GPC5: variants seen among roughly 807,000 people sequenced by gnomAD.
GPC5 encodes the protein glypican 5.
In GPC5, 47 loss-of-function variants were observed where a neutral mutation model predicts 53.9. The ratio of observed to expected loss-of-function variants is 0.87; its 90% CI spans 0.69 to 1.11. GPC5 has a LOEUF of 1.11. Ranked by LOEUF, GPC5 falls within the 50% of genes most tolerant of loss-of-function variation. The probability of loss-of-function intolerance (pLI) is 0.00; values close to 1 mark genes in which losing one functional copy is unlikely to be tolerated. For synonymous variants in GPC5, 286 were observed against 263.3 expected (o/e 1.09, Z -0.84); for missense variants, 748 against 713.1 (o/e 1.05, Z -0.56).
At chr13:91,986,723 A>G (rs1261751847) in intron 6 of GPC5, among the ~76,000 whole-genome samples, 3 of 152,338 alleles carry the variant, frequency 2.0e-5, no homozygotes, top group African/African-American at 4.8e-5. Context: ...CAGATCTTAA[A>G]TATATATTCT....
chr13:92,273,578 C>G (rs926522764), intron 7 of GPC5, among the ~76,000 whole-genome samples: 1 of 151,936 alleles, frequency 6.6e-6, no homozygotes, highest in Non-Finnish European at 1.5e-5. Flanking sequence ...ATGTGATACT[C>G]TTACCAAAAC....
chr13:92,077,262 T>C (rs2041259300), intron 6 of GPC5, among the ~76,000 whole-genome samples: 1 of 152,226 alleles, frequency 6.6e-6, no homozygotes, highest in Non-Finnish European at 1.5e-5. Context: ...GTCACTCATA[T>C]ATGGCTCAGA....
chr13:91,827,286 C>A (rs1221938633), intron 5 of GPC5, among the ~76,000 whole-genome samples: 2 of 151,806 alleles, frequency 1.3e-5, no homozygotes, highest in Non-Finnish European at 2.9e-5. Flanking sequence ...ATCTTCTTGA[C>A]TTATAGCACA....
In GPC5 at chr13:91,693,143, T is replaced by A. The variant is rs770577641; in HGVS notation, c.326-44T>A. ...CTGGAGCAGATGGACGGTGTTAGCA[T>A]GAATACTAAACCTTCTCATGTTTTA... On this transcript the variant is annotated intron_variant, in intron 2 of 7. Coordinates refer to ENST00000377067, the MANE Select transcript of GPC5 (RefSeq NM_004466.6). The A allele has an allele frequency of 8.6e-6, 12 of 1,401,026 alleles. No homozygotes were observed. In the South Asian group the frequency reaches 8.7e-5, roughly 10 times the overall value. 86.8% of individuals were successfully genotyped at this position (1,401,026 alleles called of 1,614,324 possible).
intron 2 of GPC5, among the ~76,000 whole-genome samples, chr13:91,581,484 C>A (rs1255512327): frequency 6.6e-6 from 1 of 152,118 alleles, no homozygotes; most frequent in Non-Finnish European, 1.5e-5. Flanking sequence ...CTCTGATCTG[C>A]CTGCTTTCAT....
intron 7 of GPC5, among the ~76,000 whole-genome samples, chr13:92,232,834 A>G (rs891857407): frequency 2.6e-5 from 4 of 152,214 alleles, no homozygotes; most frequent in African/African-American, 9.6e-5. Flanking sequence ...TCATGTTAAA[A>G]CTATAATTGT....
intron 2 of GPC5, among the ~76,000 whole-genome samples, chr13:91,652,996 A>G (rs554099225): frequency 6.6e-6 from 1 of 152,304 alleles, no homozygotes; most frequent in South Asian, 2.1e-4. Context: ...GCTGACACTC[A>G]ATAGGACACT....
intron 7 of GPC5, among the ~76,000 whole-genome samples, chr13:92,259,936 G>A (rs2042754309): frequency 6.6e-6 from 1 of 152,154 alleles, no homozygotes; most frequent in Admixed American, 6.6e-5. Context: ...CTCAGGAGGA[G>A]TACCCAAATC....
At chr13:92,075,067 T>G (rs537311423) in intron 6 of GPC5, among the ~76,000 whole-genome samples, 1 of 152,180 alleles carries the variant, frequency 6.6e-6, no homozygotes, top group Non-Finnish European at 1.5e-5. Context: ...TGTTTTGAAA[T>G]TTTTTTCTTA....
intron 7 of GPC5, among the ~76,000 whole-genome samples, chr13:92,642,482 G>A (rs1885627451): frequency 6.6e-6 from 1 of 152,128 alleles, no homozygotes; most frequent in East Asian, 1.9e-4. Flanking sequence ...TGTCTCAACA[G>A]GTCTGTATAT....
chr13:92,593,933 A>G (rs1883789897), intron 7 of GPC5, among the ~76,000 whole-genome samples: 1 of 152,182 alleles, frequency 6.6e-6, no homozygotes, highest in Admixed American at 6.5e-5. Flanking sequence ...CATCCTCTCA[A>G]AGCACCACAA....
At chr13:92,183,981 A>T (rs930901867) in intron 7 of GPC5, among the ~76,000 whole-genome samples, 17 of 152,036 alleles carry the variant, frequency 1.1e-4, no homozygotes, top group South Asian at 4.1e-4. Context: ...TCATATTTTT[A>T]AAAAAGTTAT....
intron 6 of GPC5, among the ~76,000 whole-genome samples, chr13:92,058,556 G>T (rs1436947744): frequency 2.0e-5 from 3 of 152,040 alleles, no homozygotes; most frequent in Non-Finnish European, 4.4e-5. Flanking sequence ...TTAGAATTGG[G>T]TATTTATTTA....
chr13:92,821,444 C>G (rs1486689922), intron 7 of GPC5, among the ~76,000 whole-genome samples: 1 of 152,098 alleles, frequency 6.6e-6, no homozygotes, highest in Admixed American at 6.6e-5. Context: ...GAAATGGTCT[C>G]CAGTCCTCTT....
At chr13:92,509,926 GCAAT>G (rs1880505091) in intron 7 of GPC5, 1 of 152,022 alleles carries the variant, frequency 6.6e-6, no homozygotes, top group Admixed American at 6.6e-5. Flanking sequence ...CTTTAAACAT[GCAAT>G]CACATTTTAC....
chr13:92,644,666 G>A (rs1885707513), intron 7 of GPC5, among the ~76,000 whole-genome samples: 1 of 152,010 alleles, frequency 6.6e-6, no homozygotes, highest in East Asian at 1.9e-4. Flanking sequence ...TTTGTCATGA[G>A]AATTAATATA....
At chr13:91,430,639 G>A (rs1049925851) in intron 1 of GPC5, among the ~76,000 whole-genome samples, 1 of 152,152 alleles carries the variant, frequency 6.6e-6, no homozygotes, top group Admixed American at 6.5e-5. Flanking sequence ...CGGAGAGGAA[G>A]AAGCCTTCTG....
intron 7 of GPC5, among the ~76,000 whole-genome samples, chr13:92,675,072 T>C (rs1015091925): frequency 2.0e-5 from 3 of 152,122 alleles, no homozygotes; most frequent in African/African-American, 7.2e-5. Flanking sequence ...CTATGTCAAA[T>C]ACTTCTTTAC....
intron 2 of GPC5, among the ~76,000 whole-genome samples, chr13:91,654,609 T>C (rs16946415): frequency 0.065 from 9,859 of 152,258 alleles, 1,076 homozygotes; most frequent in African/African-American, 0.22. Flanking sequence ...AGTTGAATTG[T>C]GAGTATTTTA....
Sources: gnomAD v4.1 joint callset for allele counts (sites outside exome capture counted in the v4.1 genomes callset) on GRCh38, gnomAD v4.1.1 for gene constraint, MANE v1.5 for transcripts, NCBI Gene and HGNC (gene_info 2026-07-23, HGNC 2026-07-21) for gene names.